KIAA0825: variants seen among roughly 807,000 people sequenced by gnomAD.
The protein encoded by KIAA0825 is KIAA0825.
A neutral mutation model predicts 147.6 loss-of-function variants in KIAA0825; 119 were observed. The observed-to-expected ratio is 0.81, with a 90% confidence interval of 0.69 to 0.94. The LOEUF (loss-of-function observed/expected upper bound fraction) is 0.94. Ranked by LOEUF, KIAA0825 falls within the 40% of genes least tolerant of loss-of-function variation. KIAA0825 has a pLI of 0.00. For synonymous variants in KIAA0825, 470 were observed against 518.1 expected (o/e 0.91, Z 1.26); for missense variants, 1,381 against 1,472.7 (o/e 0.94, Z 1.02).
chr5:94,245,658 A>G (rs1775566507), intron 20 of KIAA0825, among the ~76,000 whole-genome samples: 1 of 152,152 alleles, frequency 6.6e-6, no homozygotes, highest in African/African-American at 2.4e-5. Context: ...AGTCAGAGTT[A>G]GCATGCGGGG....
intron 2 of KIAA0825, among the ~76,000 whole-genome samples, chr5:94,572,387 C>G (rs1311830507): frequency 6.6e-6 from 1 of 152,144 alleles, no homozygotes; most frequent in East Asian, 1.9e-4. Flanking sequence ...TGGAAAGGAT[C>G]TAAAAAAGAA....
intron 20 of KIAA0825, among the ~76,000 whole-genome samples, chr5:94,290,020 CCTA>C (rs1161857317): frequency 2.0e-5 from 3 of 151,000 alleles, no homozygotes; most frequent in Non-Finnish European, 4.4e-5. Context: ...AAGCCCTTGT[CCTA>C]CTGACTTTGC....
chr5:94,353,072 G>GA (rs1393041654), intron 20 of KIAA0825, among the ~76,000 whole-genome samples: 2 of 151,580 alleles, frequency 1.3e-5, no homozygotes. Context: ...ATAACTTATG[G>GA]AAAAATAAAA....
intron 20 of KIAA0825, among the ~76,000 whole-genome samples, chr5:94,295,633 A>G (rs1344158781): frequency 6.6e-6 from 1 of 152,028 alleles, no homozygotes; most frequent in Non-Finnish European, 1.5e-5. Context: ...GTTGATGTTG[A>G]TGCTATTCCT....
intron 20 of KIAA0825, among the ~76,000 whole-genome samples, chr5:94,229,035 T>C (rs1025102201): frequency 4.6e-5 from 7 of 152,128 alleles, no homozygotes; most frequent in Admixed American, 4.6e-4. Context: ...GACTTGGAGA[T>C]TTCCTGTAAC....
intron 5 of KIAA0825, among the ~76,000 whole-genome samples, chr5:94,499,664 G>A (rs1281677406): frequency 6.7e-6 from 1 of 149,778 alleles, no homozygotes; most frequent in Non-Finnish European, 1.5e-5. Flanking sequence ...AAATAGTTGA[G>A]TTTCAATTAA....
At chr5:94,358,923 T>C (rs1744687913) in intron 20 of KIAA0825, among the ~76,000 whole-genome samples, 1 of 152,240 alleles carries the variant, frequency 6.6e-6, no homozygotes, top group African/African-American at 2.4e-5. Context: ...CAATCATTGC[T>C]ATTTTTCTAG....
intron 2 of KIAA0825, among the ~76,000 whole-genome samples, chr5:94,538,502 C>T (rs1479312032): frequency 6.6e-6 from 1 of 152,220 alleles, no homozygotes; most frequent in Non-Finnish European, 1.5e-5. Context: ...AATGCTGCCA[C>T]TGGCTGGGCA....
intron 1 of KIAA0825, among the ~76,000 whole-genome samples, chr5:94,613,772 G>T (rs748203036): frequency 5.3e-5 from 8 of 152,214 alleles, no homozygotes; most frequent in Non-Finnish European, 1.0e-4. Flanking sequence ...TCCAGAAGGG[G>T]GTGCCCTTTT....
intron 20 of KIAA0825, among the ~76,000 whole-genome samples, chr5:94,350,054 A>C (rs1315866608): frequency 6.6e-6 from 1 of 152,218 alleles, no homozygotes; most frequent in Non-Finnish European, 1.5e-5. Flanking sequence ...AGAAAAGAAG[A>C]GAGAAAATCC....
chr5:94,289,443 G>A (rs1389014345), intron 20 of KIAA0825, among the ~76,000 whole-genome samples: 1 of 150,964 alleles, frequency 6.6e-6, no homozygotes, highest in East Asian at 2.0e-4. Flanking sequence ...GCTGAGACAG[G>A]AGAATCACTT....
At chr5:94,597,879 T>G (rs1585002964) in intron 1 of KIAA0825, among the ~76,000 whole-genome samples, 3 of 152,148 alleles carry the variant, frequency 2.0e-5, no homozygotes, top group African/African-American at 7.2e-5. Context: ...AGAAAAGGTA[T>G]GGTAAAAATA....
intron 5 of KIAA0825, among the ~76,000 whole-genome samples, chr5:94,507,756 A>G (rs1765931904): frequency 6.6e-6 from 1 of 152,180 alleles, no homozygotes; most frequent in Non-Finnish European, 1.5e-5. Flanking sequence ...AGAAGAAAAC[A>G]AAGTTCTGAA....
intron 20 of KIAA0825, among the ~76,000 whole-genome samples, chr5:94,246,646 A>G (rs1308952903): frequency 1.3e-5 from 2 of 152,198 alleles, no homozygotes; most frequent in Non-Finnish European, 2.9e-5. Flanking sequence ...TGATCACTCC[A>G]TAGCTATAAT....
chr5:94,222,545 G>A (rs1419663402), intron 20 of KIAA0825, among the ~76,000 whole-genome samples: 1 of 152,160 alleles, frequency 6.6e-6, no homozygotes, highest in East Asian at 1.9e-4. Flanking sequence ...AAAGAGTGAT[G>A]TAGAAAAAGA....
At chr5:94,327,866 C>T (rs1181630826) in intron 20 of KIAA0825, among the ~76,000 whole-genome samples, 4 of 151,822 alleles carry the variant, frequency 2.6e-5, no homozygotes, top group East Asian at 3.9e-4. Flanking sequence ...ATTAGCTGGG[C>T]GTGGTGGTGC....
At chr5:94,231,070 A>G (rs769670338) in intron 20 of KIAA0825, among the ~76,000 whole-genome samples, 5 of 152,166 alleles carry the variant, frequency 3.3e-5, no homozygotes, top group Non-Finnish European at 7.4e-5. Flanking sequence ...ATGTTTACCC[A>G]ATAGAAAGTT....
Position 94,547,516 on chromosome 5 carries a change from T to C in KIAA0825, c.-1-10389A>G, listed in dbSNP as rs183874841. Among the ~76,000 whole-genome samples, 289 of 152,078 alleles carry C rather than the reference T, an allele frequency of 1.9e-3. 1 individual carries two copies. Among genetic ancestry groups the C allele is most frequent in the Admixed American group, 4.8e-3 (74 of 15,292 alleles). ...ATTTTGGGAGGCCAAGGCGGGTGGA[T>C]TGCCAGGTCAGGGGTTCAAGACCAG... is the stretch of plus-strand genomic sequence containing the variant. On this transcript the variant is annotated intron_variant, in intron 2 of 20. Coordinates refer to ENST00000682413, the MANE Select transcript of KIAA0825 (RefSeq NM_001145678.3).
chr5:94,241,447 C>T (rs951436761), intron 20 of KIAA0825, among the ~76,000 whole-genome samples: 2 of 152,206 alleles, frequency 1.3e-5, no homozygotes, highest in African/African-American at 4.8e-5. Context: ...AAAGTTCCCT[C>T]TTGTTCTTAT....
Sources: allele counts gnomAD v4.1 joint callset (sites outside exome capture counted in the v4.1 genomes callset), GRCh38; gene constraint gnomAD v4.1.1; transcripts MANE v1.5; gene names NCBI Gene and HGNC (gene_info 2026-07-23, HGNC 2026-07-21).